Variants in DYNC1I1 observed in about 807,000 individuals in gnomAD.
DYNC1I1 encodes cytoplasmic dynein 1 intermediate chain 1.
DYNC1I1 carries 43 observed loss-of-function variants against 86.6 expected under a neutral mutation model. That is an observed-to-expected ratio of 0.50 (90% CI 0.39 to 0.64). DYNC1I1 has a LOEUF of 0.64. Ranked by LOEUF, DYNC1I1 falls within the 30% of genes least tolerant of loss-of-function variation. The pLI is 0.00. For synonymous variants in DYNC1I1, 262 were observed against 283.7 expected, an observed-to-expected ratio of 0.92 and a Z score of 0.77; for missense variants, 604 against 788.8, an observed-to-expected ratio of 0.77 and a Z score of 2.81.
intron 10 of DYNC1I1, among the ~76,000 whole-genome samples, chr7:96,003,240 T>C (rs1302712237): frequency 6.6e-6 from 1 of 152,210 alleles, no homozygotes; most frequent in African/African-American, 2.4e-5. Context: ...TACAGATGCA[T>C]TGGCTTCCTT....
chr7:96,105,064 TAAC>T (rs1269212685), intron 16 of DYNC1I1, among the ~76,000 whole-genome samples: 1 of 151,954 alleles, frequency 6.6e-6, no homozygotes, highest in African/African-American at 2.4e-5. Context: ...TATTCCTAGA[TAAC>T]AACTAATTTT....
rs150505463 is a variant in DYNC1I1 at position 96,047,316 on chromosome 7, G to C, written c.1509+7895G>C. On this transcript the variant is annotated intron_variant, in intron 14 of 16. Coordinates refer to ENST00000447467, the MANE Select transcript of DYNC1I1 (RefSeq NM_001135556.2). Reference sequence around the variant, plus strand: ...ATTGACAGCGTAATACTGAAGCTCAGGGGCAAAGGATGAGTTAGAAATATA... The same window carrying C: ...ATTGACAGCGTAATACTGAAGCTCACGGGCAAAGGATGAGTTAGAAATATA... Among the ~76,000 whole-genome samples the C allele has an allele frequency of 2.0e-3, 299 of 152,248 alleles. 1 individual carries two copies. The Middle Eastern group carries it at 0.02, about 10-fold the overall frequency.
chr7:95,786,858 A>G (rs1584221305), intron 1 of DYNC1I1, among the ~76,000 whole-genome samples: 1 of 152,012 alleles, frequency 6.6e-6, no homozygotes, highest in East Asian at 1.9e-4. Flanking sequence ...CTGATCTGCT[A>G]AAGGAGTTTG....
intron 1 of DYNC1I1, among the ~76,000 whole-genome samples, chr7:95,801,443 C>G (rs1244921361): frequency 1.3e-5 from 2 of 152,118 alleles, no homozygotes; most frequent in Non-Finnish European, 2.9e-5. Flanking sequence ...AAATACAAGA[C>G]TTTCTTATAT....
chr7:95,823,406 C>T (rs1308405187), intron 4 of DYNC1I1, among the ~76,000 whole-genome samples: 1 of 152,138 alleles, frequency 6.6e-6, no homozygotes, highest in Non-Finnish European at 1.5e-5. Flanking sequence ...TCTGTCTTTC[C>T]TATGGCATTT....
intron 14 of DYNC1I1, among the ~76,000 whole-genome samples, chr7:96,059,071 CA>C (rs1276356978): frequency 4.6e-5 from 7 of 152,142 alleles, no homozygotes; most frequent in African/African-American, 1.7e-4. Flanking sequence ...CTTCTGGTTA[CA>C]ACATTTTCAT....
chr7:96,068,809 A>G (rs1333134425), intron 14 of DYNC1I1, among the ~76,000 whole-genome samples: 1 of 150,142 alleles, frequency 6.7e-6, no homozygotes, highest in African/African-American at 2.5e-5. Context: ...ACATATGTAT[A>G]TTTAATTTAT....
intron 6 of DYNC1I1, among the ~76,000 whole-genome samples, chr7:95,935,828 A>G (rs764230611): frequency 2.1e-4 from 32 of 152,180 alleles, no homozygotes; most frequent in Non-Finnish European, 1.9e-4. Flanking sequence ...AAAAAGACAT[A>G]CAAATGGCCA....
chr7:96,038,559 G>A (rs888529422), intron 13 of DYNC1I1, among the ~76,000 whole-genome samples: 51 of 152,254 alleles, frequency 3.3e-4, no homozygotes, highest in Admixed American at 8.5e-4. Flanking sequence ...TTCTTAGCTA[G>A]TTTATTCAAC....
chr7:95,902,363 A>G (rs532037865), intron 6 of DYNC1I1, among the ~76,000 whole-genome samples: 31 of 152,228 alleles, frequency 2.0e-4, no homozygotes, highest in Non-Finnish European at 4.3e-4. Flanking sequence ...GAATGCCATT[A>G]TGTTTATATA....
chr7:95,845,013 G>A (rs1278705041), intron 5 of DYNC1I1, among the ~76,000 whole-genome samples: 1 of 152,132 alleles, frequency 6.6e-6, no homozygotes, highest in Non-Finnish European at 1.5e-5. Flanking sequence ...AAGTAGTTTG[G>A]CCCAAGCCCA....
chr7:96,107,688 C>T (rs1171028217), intron 16 of DYNC1I1, among the ~76,000 whole-genome samples: 3 of 151,908 alleles, frequency 2.0e-5, no homozygotes, highest in Non-Finnish European at 2.9e-5. Context: ...CGTGCCACCA[C>T]ACTCGGCTAA....
intron 6 of DYNC1I1, among the ~76,000 whole-genome samples, chr7:95,883,384 C>T (rs1012438891): frequency 2.6e-5 from 4 of 152,068 alleles, no homozygotes; most frequent in African/African-American, 7.2e-5. Flanking sequence ...TTAATTAAAA[C>T]GGCATGTGGT....
At chr7:95,954,358 C>A (rs1792645205) in intron 6 of DYNC1I1, among the ~76,000 whole-genome samples, 2 of 151,828 alleles carry the variant, frequency 1.3e-5, no homozygotes, top group South Asian at 2.1e-4. Flanking sequence ...TTTACGCTAG[C>A]CTCACTTCAA....
At chr7:95,986,025 T>C (rs1449681671) in intron 8 of DYNC1I1, among the ~76,000 whole-genome samples, 2 of 99,114 alleles carry the variant, frequency 2.0e-5, no homozygotes, top group African/African-American at 3.7e-5. Flanking sequence ...TGGCAGGACG[T>C]GTGTGTGTGT....
At chr7:96,019,162 C>A (rs980418965) in intron 10 of DYNC1I1, among the ~76,000 whole-genome samples, 8 of 152,114 alleles carry the variant, frequency 5.3e-5, no homozygotes, top group Non-Finnish European at 1.2e-4. Context: ...ATATACACAT[C>A]ATTCTTTGTA....
chr7:95,851,733 C>T (rs1316886073), intron 5 of DYNC1I1, among the ~76,000 whole-genome samples: 1 of 152,138 alleles, frequency 6.6e-6, no homozygotes, highest in Non-Finnish European at 1.5e-5. Flanking sequence ...GTCATGATCT[C>T]GGCTCACTGC....
At position 95,846,621 on chromosome 7, in the gene DYNC1I1, C is replaced by CTGTGTGTGTGTGTGTG. The variant is rs750813234; in HGVS notation, c.374+18506_374+18507insGTGTGTGTGTGTGTGT. ...CATTCTGAACATAAATGATAAATCT[C>CTGTGTGTGTGTGTGTG]TCTCTCTGTGTGTGTGTGTGTGTGT... is the stretch of plus-strand genomic sequence containing the variant. On this transcript the variant is annotated intron_variant, in intron 5 of 16. Coordinates refer to ENST00000447467, the MANE Select transcript of DYNC1I1 (RefSeq NM_001135556.2). 9.7e-4 allele frequency among the ~76,000 whole-genome samples: 117 copies of CTGTGTGTGTGTGTGTG among 120,346 alleles called. 2 individuals carry two copies. Among genetic ancestry groups the CTGTGTGTGTGTGTGTG allele is most frequent in the Admixed American group, 1.2e-3 (15 of 12,728 alleles). 79.0% of individuals were successfully genotyped at this position (120,346 alleles called of 152,430 possible). A position where few individuals can be genotyped will look rare whatever the true frequency, so the allele number is the denominator to read the frequency against.
At chr7:95,904,189 C>T (rs1319340357) in intron 6 of DYNC1I1, among the ~76,000 whole-genome samples, 5 of 152,150 alleles carry the variant, frequency 3.3e-5, no homozygotes, top group Admixed American at 2.0e-4. Context: ...AAGGGCATCA[C>T]ATCACAGAAT....
Sources: allele counts gnomAD v4.1 joint callset (sites outside exome capture counted in the v4.1 genomes callset), GRCh38; gene constraint gnomAD v4.1.1; transcripts MANE v1.5; gene names NCBI Gene and HGNC (gene_info 2026-07-23, HGNC 2026-07-21).